The following MID1 variants were observed in gnomAD, a reference collection of about 807,000 sequenced individuals.
MID1 encodes the protein midline 1.
A neutral mutation model predicts 40.4 loss-of-function variants in MID1; 7 were observed. The ratio of observed to expected loss-of-function variants is 0.17; its 90% CI spans 0.10 to 0.33. The LOEUF (loss-of-function observed/expected upper bound fraction) is 0.33, where lower values mean the gene tolerates loss of function less well. MID1 is among the 10% of genes least tolerant of loss of function. MID1 has a pLI of 1.00. For missense variants in MID1, 367 were observed against 558.5 expected (o/e 0.66, Z 3.46); for synonymous variants, 229 against 221.2 (o/e 1.04, Z -0.31).
At chrX:10,542,565 CT>C (rs1199012569) in intron 2 of MID1, among the ~76,000 whole-genome samples, 11 of 111,984 alleles carry the variant, frequency 9.8e-5, no homozygotes, top group African/African-American at 3.2e-4. Flanking sequence ...TAAATACTTT[CT>C]TTTTTTATTA....
intron 1 of MID1, among the ~76,000 whole-genome samples, chrX:10,755,054 T>C (rs1280918994): frequency 1.8e-5 from 2 of 111,765 alleles, no homozygotes; most frequent in Admixed American, 1.9e-4. Flanking sequence ...TACAGTGACA[T>C]TGATATAAGG....
chrX:10,808,191 A>C (rs926835869), intron 1 of MID1, among the ~76,000 whole-genome samples: 2 of 112,063 alleles, frequency 1.8e-5, no homozygotes, highest in Admixed American at 1.9e-4. Flanking sequence ...GGAGAGGCTG[A>C]GGTGAAAGCC....
rs575518007 is a variant in MID1 at position 10,727,066 on chromosome X, G to A, written c.-187+106488C>T. ...CATTTATGTAATGTCTCTGTTATAT[G>A]GCAGAATGAAGACCCATGCTGTTTC... On this transcript the variant is annotated intron_variant, in intron 1 of 10. Transcript: ENST00000380785. 3.5e-4 allele frequency among the ~76,000 whole-genome samples: 39 copies of A among 112,451 alleles called. No individual in the cohort carries two copies. In the East Asian group the frequency reaches 7.5e-3, roughly 22 times the overall value.
chrX:10,724,940 G>T (rs185135302), intron 1 of MID1, among the ~76,000 whole-genome samples: 1 of 112,010 alleles, frequency 8.9e-6, no homozygotes. Flanking sequence ...GTGTCTCTCT[G>T]CAAACCTCGT....
intron 1 of MID1, among the ~76,000 whole-genome samples, chrX:10,792,425 A>G (rs1238995259): frequency 8.9e-6 from 1 of 112,466 alleles, no homozygotes; most frequent in African/African-American, 3.2e-5. Context: ...CAATAAGGTA[A>G]TGAGAATAAA....
intron 2 of MID1, among the ~76,000 whole-genome samples, chrX:10,561,392 T>C (rs1203292493): frequency 3.7e-5 from 4 of 106,682 alleles, no homozygotes; most frequent in Admixed American, 9.8e-5. Context: ...CTAAAGAGCT[T>C]CTGCACAGCA....
intron 2 of MID1, among the ~76,000 whole-genome samples, chrX:10,542,108 A>G (rs186263247): frequency 1.8e-5 from 2 of 112,284 alleles, no homozygotes; most frequent in African/African-American, 6.5e-5. Flanking sequence ...TAGAATTTTA[A>G]CCTAAATTAA....
At position 10,593,201 on chromosome X, in the gene MID1, C is replaced by T. The variant is rs1033024023; in HGVS notation, c.-56-25598G>A. Among the ~76,000 whole-genome samples the T allele has an allele frequency of 7.1e-5, 8 of 112,303 alleles. No homozygotes were observed. The Admixed American group carries it at 7.5e-4, about 11-fold the overall frequency. ...ATGCTAAACAAAATGACAAAGATTC[C>T]TGCTTTTCTCACTGCTGTTCAGTAA... On this transcript the variant is annotated intron_variant, in intron 1 of 9. Transcript: ENST00000317552.
chrX:10,546,552 A>G (rs1047304023), intron 2 of MID1, among the ~76,000 whole-genome samples: 8 of 111,735 alleles, frequency 7.2e-5, no homozygotes, highest in African/African-American at 2.6e-4. Context: ...TATAAAGACA[A>G]TCTCAAGTGC....
chrX:10,625,131 T>C (rs754520371), upstream of MID1, among the ~76,000 whole-genome samples: 4 of 111,863 alleles, frequency 3.6e-5, no homozygotes, highest in Non-Finnish European at 7.5e-5. Flanking sequence ...TAAAACAGGC[T>C]TATGTAACTA....
chrX:10,518,987 T>G (rs1932583613), intron 3 of MID1, among the ~76,000 whole-genome samples: 1 of 112,501 alleles, frequency 8.9e-6, no homozygotes, highest in Admixed American at 9.4e-5. Context: ...TTGAAATTAC[T>G]GAACATCTTA....
At chrX:10,828,104 C>T (rs754850566) in intron 1 of MID1, among the ~76,000 whole-genome samples, 6 of 111,508 alleles carry the variant, frequency 5.4e-5, no homozygotes, top group Non-Finnish European at 7.5e-5. Context: ...TCTTTCTTAG[C>T]GTTGAATCTT....
chrX:10,611,782 G>A (rs1202055674), intron 1 of MID1, among the ~76,000 whole-genome samples: 2 of 111,182 alleles, frequency 1.8e-5, no homozygotes. Context: ...GCTCCTCAGA[G>A]GTCAGAACTA....
intron 1 of MID1, among the ~76,000 whole-genome samples, chrX:10,786,058 A>G (rs1344008237): frequency 8.9e-6 from 1 of 111,877 alleles, no homozygotes; most frequent in East Asian, 2.8e-4. Context: ...AAATTTTTGC[A>G]ATCTACTCAC....
At chrX:10,698,518 T>C (rs1488874169) in intron 1 of MID1, among the ~76,000 whole-genome samples, 1 of 110,974 alleles carries the variant, frequency 9.0e-6, no homozygotes, top group Non-Finnish European at 1.9e-5. Context: ...CTATTCTGAA[T>C]GTTGTACTAA....
chrX:10,533,327 GGAAA>G (rs35811442), intron 2 of MID1, among the ~76,000 whole-genome samples: 4,310 of 47,752 alleles, frequency 0.09, 247 homozygotes, highest in Admixed American at 0.11. Context: ...AAGAAAGAAA[GGAAA>G]GAAAGAAAGA....
chrX:10,768,867 C>G (rs932919241), intron 1 of MID1, among the ~76,000 whole-genome samples: 1 of 111,485 alleles, frequency 9.0e-6, no homozygotes, highest in African/African-American at 3.3e-5. Context: ...GGCTCCAAAC[C>G]TCCATGAATT....
chrX:10,535,180 G>A (rs932866978), intron 2 of MID1, among the ~76,000 whole-genome samples: 5 of 111,704 alleles, frequency 4.5e-5, no homozygotes, highest in East Asian at 2.8e-4. Flanking sequence ...CTTCCCAACC[G>A]GAGAGTATAA....
At chrX:10,657,079 T>C (rs2147579603) in intron 1 of MID1, among the ~76,000 whole-genome samples, 1 of 111,367 alleles carries the variant, frequency 9.0e-6, no homozygotes, top group African/African-American at 3.3e-5. Context: ...CTCCCACTTC[T>C]ACCACTGTGC....
Sources: allele counts gnomAD v4.1 joint callset (sites outside exome capture counted in the v4.1 genomes callset), GRCh38; gene constraint gnomAD v4.1.1; transcripts MANE v1.5; gene names NCBI Gene and HGNC (gene_info 2026-07-23, HGNC 2026-07-21).